Variants in HOXC4 observed in about 807,000 individuals in gnomAD.
The protein encoded by HOXC4 is homeobox protein Hox-C4.
Under a neutral mutation model 25.5 loss-of-function variants are expected in HOXC4, and 15 were observed. That is an observed-to-expected ratio of 0.59 (90% CI 0.39 to 0.91). The LOEUF (loss-of-function observed/expected upper bound fraction) is 0.91. Ranked by LOEUF, HOXC4 falls within the 40% of genes least tolerant of loss-of-function variation. HOXC4 has a pLI of 0.00. For synonymous variants in HOXC4, 165 were observed against 148.0 expected (o/e 1.11, Z -0.83); for missense variants, 342 against 352.4 (o/e 0.97, Z 0.24).
Position 54,055,274 on chromosome 12 carries a change from T to C in HOXC4, c.*69T>C. The C allele has an allele frequency of 2.2e-6, 1 of 446,646 alleles. No individual in the cohort carries two copies. The allele number at this position is 446,646 out of a possible 1,614,324, so 27.7% of individuals were successfully genotyped here. A position where few individuals can be genotyped will look rare whatever the true frequency, so the allele number is the denominator to read the frequency against. ...CCCTCACACACAAATTGACTCTTAT[T>C]TATAGAATTTAATATATATATATAT... On this transcript the variant is annotated 3_prime_UTR_variant, in exon 2 of 2. Transcript: ENST00000430889.
Position 54,039,025 on chromosome 12 carries a change from G to A in HOXC4, c.-123-14135G>A, listed in dbSNP as rs76686888. The stretch of plus-strand genomic sequence containing the variant: ...CTGCAATTGCTATCCCTCCCTGTGC[G>A]TCACCGGGAGCTAAGCCAGGAAAGT... On this transcript the variant is annotated intron_variant, in intron 1 of 3. Transcript: ENST00000303406. Among the ~76,000 whole-genome samples, 2,414 of 152,246 alleles carry A rather than the reference G, an allele frequency of 0.016. 165 individuals are homozygous for A. The East Asian group carries it at 0.19, about 12-fold the overall frequency.
Position 54,053,866 on chromosome 12 carries a change from C to T in HOXC4, c.-57C>T. ...ACAGGGTCGCTAGCTAGTAGGAGGG[C>T]TTTATGGAGCAGAAAAACGACAAAG... On this transcript the variant is annotated 5_prime_UTR_variant, in exon 1 of 2. Coordinates refer to ENST00000430889, the MANE Select transcript of HOXC4 (RefSeq NM_153633.3). The T allele has an allele frequency of 7.1e-7, 1 of 1,413,682 alleles. No homozygotes were observed. The highest frequency in any genetic ancestry group is 9.9e-7 in the Non-Finnish European group (1 of 1,013,678). The allele number at this position is 1,413,682 out of a possible 1,614,324, so 87.6% of individuals were successfully genotyped here.
chr12:54,027,585 C>G (rs1036055586), intron 1 of HOXC4, among the ~76,000 whole-genome samples: 3 of 152,218 alleles, frequency 2.0e-5, no homozygotes, highest in Non-Finnish European at 2.9e-5. Flanking sequence ...CTCTGTCTTT[C>G]CCCCTCCGGT....
At chr12:54,042,938 T>A (rs2136458027) in intron 1 of HOXC4, among the ~76,000 whole-genome samples, 1 of 152,292 alleles carries the variant, frequency 6.6e-6, no homozygotes, top group Non-Finnish European at 1.5e-5. Flanking sequence ...GTTGAGGAAC[T>A]TCGGTGATAC....
rs1941059885 is a variant in HOXC4 at position 54,033,307 on chromosome 12, A to C, written c.-124+15893A>C. On this transcript the variant is annotated intron_variant, in intron 1 of 3. Transcript: ENST00000303406. ...CCTTCCAACTCTCTCCACGGGGTAG[A>C]CATGGCTGCCAACCCCCGGGCTCAC... 5 of 1,613,984 alleles carry C rather than the reference A, an allele frequency of 3.1e-6. No homozygotes were observed. In the Admixed American group the frequency reaches 6.7e-5, roughly 22 times the overall value.
chr12:54,026,250 C>T (rs1940692413), intron 1 of HOXC4, among the ~76,000 whole-genome samples: 1 of 152,102 alleles, frequency 6.6e-6, no homozygotes, highest in Non-Finnish European at 1.5e-5. Flanking sequence ...GACTTGTTCC[C>T]TAGCTCAGTC....
upstream of HOXC4, among the ~76,000 whole-genome samples, chr12:54,052,073 G>C (rs146680565): frequency 7.2e-4 from 110 of 152,258 alleles, 2 homozygotes; most frequent in East Asian, 0.02. Flanking sequence ...TGTCAACCAG[G>C]CTGGGCTGGG....
chr12:54,027,877 T>A (rs1940794063), intron 1 of HOXC4, among the ~76,000 whole-genome samples: 1 of 152,120 alleles, frequency 6.6e-6, no homozygotes, highest in Non-Finnish European at 1.5e-5. Flanking sequence ...GGGGAACAGG[T>A]TTTATGAAAT....
intron 1 of HOXC4, chr12:54,017,496 G>A (rs761576576): frequency 2.0e-5 from 3 of 151,996 alleles, no homozygotes; most frequent in Admixed American, 6.6e-5. Flanking sequence ...GCTTCTCTTG[G>A]TTAGGGAGAA....
rs565787762 is a variant in HOXC4, at chr12:54,023,386, G to A, written c.-124+5972G>A. Among the ~76,000 whole-genome samples, 3 of 152,340 alleles carry A rather than the reference G, an allele frequency of 2.0e-5. No individual in the cohort carries two copies. In the South Asian group the frequency reaches 6.2e-4, roughly 32 times the overall value. On this transcript the variant is annotated intron_variant, in intron 1 of 3. Transcript: ENST00000303406. ...GCAGCAATAAGTGAAGTGCTGGTAA[G>A]GAAAGGTCAGGCAGAAATCTGGAAA...
chr12:54,030,162 T>G lies in HOXC4; in HGVS notation c.-124+12748T>G. 7 of 506,694 alleles carry G rather than the reference T, an allele frequency of 1.4e-5. No homozygotes were observed. In the South Asian group the frequency reaches 2.4e-4, roughly 17 times the overall value. 31.4% of individuals were successfully genotyped at this position (506,694 alleles called of 1,614,324 possible). On this transcript the variant is annotated intron_variant, in intron 1 of 3. Coordinates refer to the HOXC4 transcript ENST00000303406. ...GCACAACTCTCTTTCACCACGCGCC[T>G]CCTCCTCCTCGCTCCCTTGCTAGCT...
At chr12:54,026,944 C>G (rs555339186) in intron 1 of HOXC4, among the ~76,000 whole-genome samples, 35 of 136,584 alleles carry the variant, frequency 2.6e-4, no homozygotes, top group East Asian at 1.5e-3. Context: ...TTTCCCCCCC[C>G]CCAACCCACC....
intron 1 of HOXC4, among the ~76,000 whole-genome samples, chr12:54,026,931 A>T (rs1037935503): frequency 6.8e-6 from 1 of 147,568 alleles, no homozygotes; most frequent in South Asian, 2.1e-4. Context: ...TGTTATAGCC[A>T]GCTTTCCCCC....
At chr12:54,029,711 A>G in intron 1 of HOXC4, 1 of 1,614,118 alleles carries the variant, frequency 6.2e-7, no homozygotes, top group Non-Finnish European at 8.5e-7. Context: ...GCGGTACCAG[A>G]CCCTGGAACT....
chr12:54,027,767 C>T (rs1266419320), intron 1 of HOXC4, among the ~76,000 whole-genome samples: 2 of 152,188 alleles, frequency 1.3e-5, no homozygotes, highest in Non-Finnish European at 2.9e-5. Context: ...TTTGCCCACT[C>T]CAGCTCTGCC....
At chr12:54,030,659 A>G (rs1344977617) in intron 1 of HOXC4, 1 of 152,676 alleles carries the variant, frequency 6.5e-6, no homozygotes, top group Non-Finnish European at 1.5e-5. Flanking sequence ...GAAAAAAAAG[A>G]GGGAAAATTA....
At chr12:54,017,011 T>G (rs1940184817) in exon 1 of HOXC4, 1 of 152,160 alleles carries the variant, frequency 6.6e-6, no homozygotes, top group African/African-American at 2.4e-5. Context: ...CCATTTAATT[T>G]TTTTTCCTCC....
intron 1 of HOXC4, chr12:54,033,322 C>A (rs756828003): frequency 1.9e-6 from 3 of 1,613,746 alleles, no homozygotes. Flanking sequence ...GCTGCCAACC[C>A]CCGGGCTCAC....
At chr12:54,048,274 G>A (rs1408627670) in intron 1 of HOXC4, among the ~76,000 whole-genome samples, 1 of 152,044 alleles carries the variant, frequency 6.6e-6, no homozygotes, top group African/African-American at 2.4e-5. Flanking sequence ...GTATGGCTGG[G>A]TCAGCCCAGG....
Sources: gnomAD v4.1 joint callset for allele counts (sites outside exome capture counted in the v4.1 genomes callset) on GRCh38, gnomAD v4.1.1 for gene constraint, MANE v1.5 for transcripts, NCBI Gene and HGNC (gene_info 2026-07-23, HGNC 2026-07-21) for gene names.